NRG1: variants seen among roughly 807,000 people sequenced by gnomAD.
NRG1 encodes the protein neuregulin 1.
In NRG1, 18 loss-of-function variants were observed where a neutral mutation model predicts 63.8. The ratio of observed to expected loss-of-function variants is 0.28; its 90% CI spans 0.19 to 0.42. The LOEUF is 0.42. NRG1 is among the 10% of genes least tolerant of loss of function. NRG1 has a pLI of 1.00. For missense variants in NRG1, 762 were observed against 814.7 expected (o/e 0.94, Z 0.79); for synonymous variants, 302 against 301.3 (o/e 1.00, Z -0.02).
chr8:32,143,718 C>G (rs1163818436), intron 1 of NRG1, among the ~76,000 whole-genome samples: 2 of 152,190 alleles, frequency 1.3e-5, no homozygotes, highest in Non-Finnish European at 2.9e-5. Flanking sequence ...AGTATTCCAC[C>G]CAACACTTCA....
intron 1 of NRG1, among the ~76,000 whole-genome samples, chr8:32,460,371 GC>G (rs1228828912): frequency 2.0e-5 from 3 of 152,112 alleles, no homozygotes; most frequent in Non-Finnish European, 4.4e-5. Flanking sequence ...TCAGTTCCAG[GC>G]TGTAAGCATT....
chr8:32,060,601 G>T (rs1274216381), intron 1 of NRG1, among the ~76,000 whole-genome samples: 1 of 151,870 alleles, frequency 6.6e-6, no homozygotes, highest in Admixed American at 6.6e-5. Flanking sequence ...TTATTTGCTT[G>T]TAATTGTTCC....
chr8:31,852,179 G>A (rs1373369156), intron 1 of NRG1, among the ~76,000 whole-genome samples: 10 of 152,084 alleles, frequency 6.6e-5, no homozygotes, highest in Non-Finnish European at 1.3e-4. Flanking sequence ...CTGAGGAATC[G>A]CCACACCAAC....
At chr8:31,859,437 C>T (rs1444279946) in intron 1 of NRG1, among the ~76,000 whole-genome samples, 1 of 152,096 alleles carries the variant, frequency 6.6e-6, no homozygotes, top group African/African-American at 2.4e-5. Flanking sequence ...GATTACATTA[C>T]CTGTACATCT....
intron 1 of NRG1, among the ~76,000 whole-genome samples, chr8:31,937,132 C>T (rs911987333): frequency 1.3e-5 from 2 of 152,282 alleles, no homozygotes; most frequent in Admixed American, 6.5e-5. Context: ...CAGTAACATC[C>T]TGTGTTGCCA....
intron 1 of NRG1, among the ~76,000 whole-genome samples, chr8:32,492,188 G>A (rs1055758703): frequency 3.3e-5 from 5 of 152,004 alleles, no homozygotes; most frequent in Non-Finnish European, 5.9e-5. Flanking sequence ...ATTCATCAGG[G>A]CCTAGCACAA....
In NRG1 at chr8:31,785,896, G is replaced by A. The variant is rs139623649; in HGVS notation, c.37+146465G>A. 7.2e-3 allele frequency among the ~76,000 whole-genome samples: 1,092 copies of A among 152,214 alleles called. 43 individuals are homozygous for A. In the South Asian group the frequency reaches 0.11, roughly 16 times the overall value. On this transcript the variant is annotated intron_variant, in intron 1 of 10. Transcript: ENST00000519301. Reference sequence around the variant, plus strand: ...TCCTGCTTAGCTGGGACCTGGTCAGGCCACTTCACCTCCCATTTAAAACAT... The same window carrying A: ...TCCTGCTTAGCTGGGACCTGGTCAGACCACTTCACCTCCCATTTAAAACAT...
chr8:31,926,917 A>G (rs1267211780), intron 1 of NRG1, among the ~76,000 whole-genome samples: 1 of 152,076 alleles, frequency 6.6e-6, no homozygotes, highest in African/African-American at 2.4e-5. Flanking sequence ...CAGTAACCTG[A>G]CCACTCTCTC....
At chr8:31,928,352 T>TAAAAAAAAAAAAAA (rs77001238) in intron 1 of NRG1, among the ~76,000 whole-genome samples, 2 of 80,118 alleles carry the variant, frequency 2.5e-5, no homozygotes, top group African/African-American at 4.9e-5. Context: ...ATGGATGTGG[T>TAAAAAAAAAAAAAA]AAAAAAAAAA....
chr8:32,756,504 C>T (rs770753072), exon 9 of NRG1: 22 of 1,612,692 alleles, frequency 1.4e-5, no homozygotes, highest in African/African-American at 6.7e-5. Flanking sequence ...CCTAACCCAC[C>T]CCCCGAGAAT....
At chr8:32,764,682 T>C (rs1419320907) in exon 12 of NRG1, 5 of 244,388 alleles carry the variant, frequency 2.0e-5, no homozygotes, top group Non-Finnish European at 3.1e-5. Flanking sequence ...TTCCACAGTA[T>C]TTCTGCAAAA....
intron 5 of NRG1, among the ~76,000 whole-genome samples, chr8:32,715,995 C>T (rs367891070): frequency 5.9e-5 from 9 of 152,260 alleles, no homozygotes; most frequent in African/African-American, 2.2e-4. Flanking sequence ...TTCTTCTTAG[C>T]AAGGTCTTGT....
At chr8:31,832,347 C>T (rs1339576320) in intron 1 of NRG1, among the ~76,000 whole-genome samples, 4 of 149,928 alleles carry the variant, frequency 2.7e-5, no homozygotes, top group Non-Finnish European at 5.9e-5. Flanking sequence ...CAACCTCCAA[C>T]TCCCCATGCT....
In NRG1 at chr8:32,742,326, C is replaced by T. The variant is rs1464478730; in HGVS notation, c.633-349C>T. ...GACAAACTATTGCAGGCAAGCCAAC[C>T]GAGAAACATTTTCTTCCAACGTGTG... On this transcript the variant is annotated intron_variant, in intron 6 of 11. Coordinates refer to ENST00000356819, the Ensembl canonical transcript of NRG1. This position sits in a 1 kb window ranked among gnomAD's most constrained non-coding sequence, Gnocchi z 4.2. 2.6e-5 allele frequency among the ~76,000 whole-genome samples: 4 copies of T among 152,034 alleles called. No homozygotes were observed. Among genetic ancestry groups the T allele is most frequent in the Non-Finnish European group, 4.4e-5 (3 of 68,012 alleles).
intron 1 of NRG1, among the ~76,000 whole-genome samples, chr8:31,834,305 G>GCACACACACACACA (rs1554547004): frequency 2.8e-5 from 4 of 144,244 alleles, no homozygotes; most frequent in African/African-American, 1.0e-4. Flanking sequence ...GCGCGCACGC[G>GCACACACACACACA]CGCACACACA....
intron 1 of NRG1, among the ~76,000 whole-genome samples, chr8:31,913,058 A>C (rs546191677): frequency 6.6e-6 from 1 of 152,324 alleles, no homozygotes; most frequent in Non-Finnish European, 1.5e-5. Context: ...CAAACCCTGT[A>C]GAAAGTGGAT....
At chr8:31,905,325 C>T (rs1179267291) in intron 1 of NRG1, among the ~76,000 whole-genome samples, 2 of 152,010 alleles carry the variant, frequency 1.3e-5, no homozygotes, top group African/African-American at 2.4e-5. Flanking sequence ...AAGTGGAGTG[C>T]ATTGGTCACA....
At chr8:32,015,328 T>C (rs1815348298) in intron 1 of NRG1, among the ~76,000 whole-genome samples, 2 of 152,142 alleles carry the variant, frequency 1.3e-5, no homozygotes, top group South Asian at 4.1e-4. Flanking sequence ...AGAAAGTCCA[T>C]TAGATGCAGT....
At chr8:32,612,863 C>G (rs1846612922) in intron 3 of NRG1, among the ~76,000 whole-genome samples, 1 of 152,024 alleles carries the variant, frequency 6.6e-6, no homozygotes, top group South Asian at 2.1e-4. Flanking sequence ...AAGGAAGCAT[C>G]TCTCTTAGTG....
Sources: gnomAD v4.1 joint callset for allele counts (sites outside exome capture counted in the v4.1 genomes callset) on GRCh38, gnomAD v4.1.1 for gene constraint, Gnocchi (gnomAD v3.1) non-coding constraint, MANE v1.5 for transcripts, NCBI Gene and HGNC (gene_info 2026-07-23, HGNC 2026-07-21) for gene names.